The following USP14 variants were observed in gnomAD, a reference collection of about 807,000 sequenced individuals.
USP14 encodes ubiquitin specific peptidase 14, also known as ubiquitin carboxyl-terminal hydrolase 14.
Under a neutral mutation model 76.5 loss-of-function variants are expected in USP14, and 38 were observed. That is an observed-to-expected ratio of 0.50 (90% confidence interval 0.38 to 0.65). The LOEUF (loss-of-function observed/expected upper bound fraction) is 0.65, where lower values mean the gene tolerates loss of function less well. USP14 is among the 30% of genes least tolerant of loss of function. The pLI, the probability that USP14 is intolerant of heterozygous loss-of-function variation, is 0.00. For missense variants in USP14, 467 were observed against 586.5 expected (o/e 0.80, Z 2.10); for synonymous variants, 192 against 191.7 (o/e 1.00, Z -0.01).
chr18:171,329 TTGTTAGAGGCTAA>T (rs1909457210), intron 3 of USP14, among the ~76,000 whole-genome samples: 1 of 152,094 alleles, frequency 6.6e-6, no homozygotes, highest in South Asian at 2.1e-4. Context: ...ACTGACTGTC[TTGTTAGAGGCTAA>T]TGTAGCTAAT....
intron 5 of USP14, among the ~76,000 whole-genome samples, chr18:192,539 T>C (rs888624558): frequency 6.6e-6 from 1 of 152,040 alleles, no homozygotes; most frequent in Admixed American, 6.6e-5. Context: ...CACTCCAACC[T>C]GGGCGACAAG....
Position 158,584 on chromosome 18 carries a change from C to A in USP14, c.-115C>A, listed in dbSNP as rs906837534. ...ATGAGACTCGTCGCACCGAAGCCGC[C>A]GCCACCACCGCGCCTCCGCCTCGGC... is the stretch of plus-strand genomic sequence containing the variant. On this transcript the variant is annotated 5_prime_UTR_variant, in exon 1 of 16. Transcript: ENST00000261601. The A allele has an allele frequency of 1.7e-5, 19 of 1,131,928 alleles. No individual in the cohort carries two copies. The African/African-American group carries it at 2.8e-4, about 17-fold the overall frequency. The allele number at this position is 1,131,928 out of a possible 1,614,324, so 70.1% of individuals were successfully genotyped here.
At chr18:174,073 C>T (rs1909553252) in intron 3 of USP14, among the ~76,000 whole-genome samples, 1 of 151,988 alleles carries the variant, frequency 6.6e-6, no homozygotes, top group Non-Finnish European at 1.5e-5. Context: ...TTAGATTCTG[C>T]TTGTCATTTT....
At chr18:187,791 C>T (rs1336090306) in intron 5 of USP14, among the ~76,000 whole-genome samples, 1 of 151,990 alleles carries the variant, frequency 6.6e-6, no homozygotes, top group Non-Finnish European at 1.5e-5. Flanking sequence ...TTGAAATAGT[C>T]CTTATATTCT....
In USP14 at chr18:196,837, T is replaced by C. The variant is rs966715416; in HGVS notation, c.594+70T>C. On this transcript the variant is annotated intron_variant, in intron 7 of 15. Transcript: ENST00000261601. ...GGTTTCCTACATTTACCGTACTTAC[T>C]GGAACATAGTTCGAAATATAAACAT... 1.0e-5 allele frequency: 16 copies of C among 1,561,542 alleles called. No individual in the cohort carries two copies. The African/African-American group carries it at 1.9e-4, about 19-fold the overall frequency.
chr18:166,769 T>A lies in USP14; in HGVS notation c.163-18T>A. On this transcript the variant is annotated intron_variant, in intron 2 of 15. Coordinates refer to ENST00000261601, the MANE Select transcript of USP14 (RefSeq NM_005151.4). The stretch of plus-strand genomic sequence containing the variant: ...TGTACAGTGGTGGTTAAATGTCTTT[T>A]GTTTGTCTTTGAAACAGGATGATGA... 1 of 1,610,996 alleles carries A rather than the reference T, an allele frequency of 6.2e-7. No homozygotes were observed. Among genetic ancestry groups the A allele is most frequent in the Non-Finnish European group, 8.5e-7 (1 of 1,177,708 alleles).
chr18:205,488 A>G (rs1177769862), intron 13 of USP14, among the ~76,000 whole-genome samples: 1 of 152,142 alleles, frequency 6.6e-6, no homozygotes, highest in East Asian at 1.9e-4. Flanking sequence ...ATTTCAAGAA[A>G]GTTGGCCAGG....
intron 5 of USP14, among the ~76,000 whole-genome samples, chr18:191,222 C>G (rs1910076775): frequency 6.6e-6 from 1 of 152,020 alleles, no homozygotes. Context: ...AAAATGAACA[C>G]ACATAATTCA....
At chr18:172,129 T>C (rs1909480894) in intron 3 of USP14, among the ~76,000 whole-genome samples, 1 of 152,136 alleles carries the variant, frequency 6.6e-6, no homozygotes, top group Non-Finnish European at 1.5e-5. Flanking sequence ...TCCTAGCTAC[T>C]CTGGAGACTG....
At chr18:174,112 T>C (rs1909554624) in intron 3 of USP14, among the ~76,000 whole-genome samples, 1 of 152,206 alleles carries the variant, frequency 6.6e-6, no homozygotes, top group Middle Eastern at 3.2e-3. Flanking sequence ...GGATTTTGAT[T>C]GGAATTGCAT....
chr18:209,991 C>G lies in USP14; in HGVS notation c.1185C>G (p.Pro395=). 1 of 1,604,190 alleles carries G rather than the reference C, an allele frequency of 6.2e-7. No homozygotes were observed. Among genetic ancestry groups the G allele is most frequent in the Non-Finnish European group, 8.5e-7 (1 of 1,176,716 alleles). The change falls in exon 14 of 16, where the codon CCC becomes CCG. Residue 395 remains proline, a synonymous_variant. Coordinates refer to ENST00000261601, the MANE Select transcript of USP14 (RefSeq NM_005151.4). ...QPNTSDKKSS[P]QKEVKYEPFS... Reference sequence around the variant, plus strand: ...CTCAGAGTGACAAAAAGAGTAGTCCCCAGAAAGAAGTTAAGTATGAACCCT... The same window carrying G: ...CTCAGAGTGACAAAAAGAGTAGTCCGCAGAAAGAAGTTAAGTATGAACCCT...
intron 3 of USP14, among the ~76,000 whole-genome samples, chr18:168,318 T>C (rs12456452): frequency 0.21 from 31,883 of 152,200 alleles, 3,845 homozygotes; most frequent in South Asian, 0.28. Context: ...GCAGATTCCA[T>C]TGGGTTTTCT....
At chr18:201,935 G>A (rs759059391) in intron 10 of USP14, among the ~76,000 whole-genome samples, 3 of 151,870 alleles carry the variant, frequency 2.0e-5, no homozygotes, top group Non-Finnish European at 4.4e-5. Flanking sequence ...ATTTGGCTTC[G>A]TTTCTCCACT....
chr18:180,377 A>G, intron 5 of USP14, 38 bp downstream of exon 5: 1 of 1,256,180 alleles, frequency 8.0e-7, no homozygotes, highest in Non-Finnish European at 1.1e-6. Flanking sequence ...GGATGTTCAC[A>G]TTTGGATGAG....
chr18:176,150 G>T, intron 3 of USP14, among the ~76,000 whole-genome samples: 2 of 150,672 alleles, frequency 1.3e-5, no homozygotes, highest in African/African-American at 2.4e-5. Flanking sequence ...TTCATTGATT[G>T]TGTCCCCCCA....
chr18:189,741 A>G (rs1050905118), intron 5 of USP14, among the ~76,000 whole-genome samples: 1 of 152,118 alleles, frequency 6.6e-6, no homozygotes, highest in Non-Finnish European at 1.5e-5. Flanking sequence ...TCGGCCTCCC[A>G]AGTGCTGGGA....
intron 6 of USP14, among the ~76,000 whole-genome samples, chr18:194,170 G>T (rs1363841381): frequency 2.6e-5 from 4 of 152,080 alleles, no homozygotes; most frequent in Non-Finnish European, 5.9e-5. Flanking sequence ...ATTGATTTTT[G>T]ATATTATAAA....
chr18:213,465 A>G lies in USP14; in HGVS notation c.*2181A>G, dbSNP rs1050488790. On this transcript the variant is annotated 3_prime_UTR_variant, in exon 16 of 16. Coordinates refer to ENST00000261601, the MANE Select transcript of USP14 (RefSeq NM_005151.4). The stretch of plus-strand genomic sequence containing the variant: ...AGTGTTGTTTTTAACTAATAAGGCT[A>G]TTTTAGAATTCAGCCTTGCCTGTAA... 29 of 152,406 alleles carry G rather than the reference A, an allele frequency of 1.9e-4. No homozygotes were observed. Among genetic ancestry groups the G allele is most frequent in the African/African-American group, 7.0e-4 (29 of 41,378 alleles). 9.4% of individuals were successfully genotyped at this position (152,406 alleles called of 1,614,324 possible).
At chr18:171,025 A>ATATATATATATATATATATATATAT (rs1555762344) in intron 3 of USP14, among the ~76,000 whole-genome samples, 6 of 47,630 alleles carry the variant, frequency 1.3e-4, no homozygotes, top group South Asian at 9.1e-4. Flanking sequence ...AAAAAAAAAA[A>ATATATATATATATATATATATATAT]ATATATATAT....
Sources: allele counts gnomAD v4.1 joint callset (sites outside exome capture counted in the v4.1 genomes callset), GRCh38; gene constraint gnomAD v4.1.1; transcripts MANE v1.5; gene names NCBI Gene and HGNC (gene_info 2026-07-23, HGNC 2026-07-21).